The following ENPP3 variants were observed in gnomAD, a reference collection of about 807,000 sequenced individuals.
ENPP3 encodes ectonucleotide pyrophosphatase/phosphodiesterase family member 3.
In ENPP3, 104 loss-of-function variants were observed where a neutral mutation model predicts 117.8. The ratio of observed to expected loss-of-function variants is 0.88; its 90% CI spans 0.75 to 1.04. ENPP3 has a LOEUF of 1.04. Among genes scored for constraint, ENPP3 ranks in the 50% least tolerant of loss-of-function variants. The pLI, the probability that ENPP3 is intolerant of heterozygous loss-of-function variation, is 0.00. For missense variants in ENPP3, 1,026 were observed against 1,051.9 expected, an observed-to-expected ratio of 0.98 and a Z score of 0.34; for synonymous variants, 380 against 349.9, an observed-to-expected ratio of 1.09 and a Z score of -0.96.
intron 7 of ENPP3, 92 bp downstream of exon 7, chr6:131,671,419 A>G (rs915868432): frequency 7.7e-6 from 6 of 777,472 alleles, no homozygotes; most frequent in Admixed American, 2.2e-5. Context: ...GAGTTCTGTG[A>G]CTTACCCTTC....
intron 11 of ENPP3, 149 bp from the exon 12 acceptor site, chr6:131,682,905 G>C: frequency 1.6e-6 from 1 of 623,234 alleles, no homozygotes; most frequent in Non-Finnish European, 2.9e-6. Flanking sequence ...GAATATGGTA[G>C]CATGGGTGCT....
At chr6:131,739,429 C>T (rs1010915455) in intron 23 of ENPP3, among the ~76,000 whole-genome samples, 4 of 152,068 alleles carry the variant, frequency 2.6e-5, no homozygotes, top group African/African-American at 9.7e-5. Context: ...CGGTAAATGA[C>T]AGAATTAGAG....
At chr6:131,664,125 G>A (rs1322664339) in intron 6 of ENPP3, among the ~76,000 whole-genome samples, 1 of 152,122 alleles carries the variant, frequency 6.6e-6, no homozygotes, top group Non-Finnish European at 1.5e-5. Flanking sequence ...TTTTCAGGAG[G>A]TATTTCAGAA....
At chr6:131,715,892 C>T (rs1013276186) in intron 15 of ENPP3, among the ~76,000 whole-genome samples, 2 of 152,136 alleles carry the variant, frequency 1.3e-5, no homozygotes, top group African/African-American at 4.8e-5. Context: ...AGTATATACC[C>T]AGCCCCACTG....
chr6:131,723,109 C>T (rs771167966), intron 18 of ENPP3, among the ~76,000 whole-genome samples: 2 of 152,062 alleles, frequency 1.3e-5, no homozygotes, highest in African/African-American at 4.8e-5. Flanking sequence ...TATCAGGAGT[C>T]CTTAAAGCTA....
chr6:131,661,747 G>A (rs1281026794), intron 6 of ENPP3, among the ~76,000 whole-genome samples: 2 of 152,072 alleles, frequency 1.3e-5, no homozygotes, highest in African/African-American at 4.8e-5. Flanking sequence ...TGAGACTATT[G>A]TATTTTTTGC....
chr6:131,660,820 C>T (rs1187603841), intron 6 of ENPP3, among the ~76,000 whole-genome samples: 1 of 152,152 alleles, frequency 6.6e-6, no homozygotes, highest in Non-Finnish European at 1.5e-5. Context: ...TGTTGTACAG[C>T]AGATCCCTAG....
intron 1 of ENPP3, among the ~76,000 whole-genome samples, chr6:131,641,206 G>A (rs1778032624): frequency 6.6e-6 from 1 of 152,104 alleles, no homozygotes; most frequent in South Asian, 2.1e-4. Context: ...AATGGTAAAT[G>A]TGTTTGAATT....
In ENPP3 at chr6:131,671,241, G is replaced by GT; in HGVS notation, c.563-5dup. ...ACTTCCTAATTTCTCACCATATTCTGTTGCAGAAACATGTGGAATTCATTC... is the reference window on the plus strand; with the variant it reads ...ACTTCCTAATTTCTCACCATATTCTGTTTGCAGAAACATGTGGAATTCATTC... On this transcript the variant is annotated splice_polypyrimidine_tract_variant and splice_region_variant and intron_variant, in intron 6 of 24. Transcript: ENST00000357639. 6.5e-7 allele frequency: 1 copy of GT among 1,549,548 alleles called. No individual in the cohort carries two copies. Among genetic ancestry groups the GT allele is most frequent in the East Asian group, 2.2e-5 (1 of 44,564 alleles).
At chr6:131,682,479 G>A (rs1779043641) in intron 11 of ENPP3, among the ~76,000 whole-genome samples, 1 of 152,152 alleles carries the variant, frequency 6.6e-6, no homozygotes, top group Non-Finnish European at 1.5e-5. Flanking sequence ...GGGCAACAGA[G>A]TAAGACCCTG....
intron 6 of ENPP3, among the ~76,000 whole-genome samples, chr6:131,659,274 C>A (rs902179573): frequency 9.2e-5 from 14 of 151,582 alleles, no homozygotes; most frequent in African/African-American, 3.4e-4. Flanking sequence ...ATAGTGAGAC[C>A]TCATCTCTAT....
intron 7 of ENPP3, 128 bp from the exon 8 acceptor site, chr6:131,674,034 A>T: frequency 1.7e-6 from 1 of 586,260 alleles, no homozygotes; most frequent in Non-Finnish European, 3.0e-6. Context: ...GTTCAGGTCC[A>T]GGTGTTTTAC....
Position 131,652,529 on chromosome 6 carries a change from T to C in ENPP3, c.278-13T>C. On this transcript the variant is annotated splice_polypyrimidine_tract_variant and intron_variant, in intron 3 of 24. Transcript: ENST00000357639. ...GGCTTAAATGCTCAGAACTGAATTGTATCGTTTTACAGCTCGAATATGGAT... is the reference window on the plus strand; with the variant it reads ...GGCTTAAATGCTCAGAACTGAATTGCATCGTTTTACAGCTCGAATATGGAT... 6.2e-7 allele frequency: 1 copy of C among 1,613,800 alleles called. No homozygotes were observed. Among genetic ancestry groups the C allele is most frequent in the Non-Finnish European group, 8.5e-7 (1 of 1,179,710 alleles).
Position 131,677,874 on chromosome 6 carries a change from GT to G in ENPP3, c.949del (p.Tyr317IlefsTer22). On this transcript the variant is annotated frameshift_variant, in exon 11 of 25. Transcript: ENST00000357639. LOFTEE classifies it high-confidence loss of function. The part of the protein sequence containing the change: ...LDLPKAERPR[F>X]YTMYFEEPDS... ...GTTTCAATTTTACCCCTAGACCCAG[GT>G]TTTATACCATGTATTTTGAAGAACC... The G allele has an allele frequency of 6.2e-7, 1 of 1,603,130 alleles. No homozygotes were observed. Among genetic ancestry groups the G allele is most frequent in the Non-Finnish European group, 8.5e-7 (1 of 1,170,372 alleles).
At chr6:131,692,800 T>TATATATG (rs527601184) in intron 14 of ENPP3, among the ~76,000 whole-genome samples, 2,454 of 143,808 alleles carry the variant, frequency 0.017, 90 homozygotes, top group African/African-American at 0.061. Flanking sequence ...AATATGTAGT[T>TATATATG]ATATATGATA....
chr6:131,720,277 A>C lies in ENPP3; in HGVS notation c.1480-15A>C, dbSNP rs763232875. 1.4e-6 allele frequency: 2 copies of C among 1,458,148 alleles called. No individual in the cohort carries two copies. The highest frequency in any genetic ancestry group is 1.9e-6 in the Non-Finnish European group (2 of 1,065,712). 90.3% of individuals were successfully genotyped at this position (1,458,148 alleles called of 1,614,324 possible). ...GATGACATCTAATAATAATAATCTG[A>C]CTATTATGACCTAGGCTATCTTTCT... On this transcript the variant is annotated splice_polypyrimidine_tract_variant and intron_variant, in intron 16 of 24. Coordinates refer to ENST00000357639, the MANE Select transcript of ENPP3 (RefSeq NM_005021.5).
At chr6:131,725,181 A>C (rs1780128796) in intron 19 of ENPP3, among the ~76,000 whole-genome samples, 1 of 152,124 alleles carries the variant, frequency 6.6e-6, no homozygotes, top group Non-Finnish European at 1.5e-5. Context: ...AGCTGAGATC[A>C]TGCCACTCCA....
chr6:131,677,590 C>T (rs1562445387), intron 10 of ENPP3, among the ~76,000 whole-genome samples: 2 of 152,180 alleles, frequency 1.3e-5, no homozygotes, highest in Non-Finnish European at 2.9e-5. Context: ...ACAGAAAGGA[C>T]TGGGACACAC....
chr6:131,677,378 C>A (rs1778892390), intron 10 of ENPP3, among the ~76,000 whole-genome samples: 1 of 152,072 alleles, frequency 6.6e-6, no homozygotes, highest in African/African-American at 2.4e-5. Flanking sequence ...TGGAATGGAG[C>A]AGAGCTGGGA....
Sources: allele counts gnomAD v4.1 joint callset (sites outside exome capture counted in the v4.1 genomes callset), GRCh38; gene constraint gnomAD v4.1.1; transcripts MANE v1.5; gene names NCBI Gene and HGNC (gene_info 2026-07-23, HGNC 2026-07-21).